ANKRD30A: variants seen among roughly 807,000 people sequenced by gnomAD.
ANKRD30A encodes the protein ankyrin repeat domain 30A, also known as ankyrin repeat domain-containing protein 30A.
Under a neutral mutation model 166.3 loss-of-function variants are expected in ANKRD30A, and 170 were observed. That is an observed-to-expected ratio of 1.02 (90% CI 0.90 to 1.16). ANKRD30A has a LOEUF of 1.16. ANKRD30A is among the 50% of genes most tolerant of loss of function. The pLI is 0.00. For missense variants in ANKRD30A, 1,630 were observed against 1,518.0 expected, an observed-to-expected ratio of 1.07 and a Z score of -1.23; for synonymous variants, 564 against 508.9, an observed-to-expected ratio of 1.11 and a Z score of -1.46.
chr10:37,128,384 T>G (rs1176102728), intron 1 of ANKRD30A, among the ~76,000 whole-genome samples: 2 of 152,014 alleles, frequency 1.3e-5, no homozygotes, highest in African/African-American at 4.8e-5. Context: ...TTTTTATTTT[T>G]TGTGGATTAG....
the ANKRD30A span, among the ~76,000 whole-genome samples, chr10:37,249,288 C>G: frequency 6.6e-6 from 1 of 152,132 alleles, no homozygotes; most frequent in East Asian, 1.9e-4. Context: ...GTGACTAATT[C>G]TATTAGTCCT....
At chr10:37,179,040 A>ATG (rs1399739619) in intron 24 of ANKRD30A, among the ~76,000 whole-genome samples, 1 of 123,634 alleles carries the variant, frequency 8.1e-6, no homozygotes, top group African/African-American at 2.8e-5. Flanking sequence ...ATATATATAT[A>ATG]TATATATATA....
At chr10:37,258,367 G>A in the ANKRD30A span, among the ~76,000 whole-genome samples, 2 of 152,088 alleles carry the variant, frequency 1.3e-5, no homozygotes, top group Non-Finnish European at 2.9e-5. Flanking sequence ...GCTCAAGAAT[G>A]TATACCATCA....
chr10:37,147,800 T>C (rs1006837658), intron 9 of ANKRD30A, among the ~76,000 whole-genome samples: 4 of 152,044 alleles, frequency 2.6e-5, no homozygotes, highest in Non-Finnish European at 5.9e-5. Flanking sequence ...GTTTATATAA[T>C]GGAGGTGGCA....
chr10:37,231,364 A>G, intron 34 of ANKRD30A, 97 bp from the exon 35 acceptor site: 3 of 980,506 alleles, frequency 3.1e-6, no homozygotes, highest in Non-Finnish European at 4.4e-6. Flanking sequence ...AATGTTATTT[A>G]TTCTTATAGA....
chr10:37,264,931 C>T, the ANKRD30A span, among the ~76,000 whole-genome samples: 1 of 152,182 alleles, frequency 6.6e-6, no homozygotes, highest in South Asian at 2.1e-4. Context: ...GTTAATTGCA[C>T]ATAGTACTGA....
chr10:37,126,079 C>A, intron 1 of ANKRD30A, 71 bp downstream of exon 1: 1 of 1,472,076 alleles, frequency 6.8e-7, no homozygotes, highest in Non-Finnish European at 9.4e-7. Context: ...CCTTCAGAGT[C>A]GGGGGCTGGG....
chr10:37,193,325 C>G, intron 27 of ANKRD30A, 67 bp downstream of exon 27: 1 of 1,499,698 alleles, frequency 6.7e-7, no homozygotes, highest in Non-Finnish European at 9.1e-7. Context: ...TGCTGTGAGA[C>G]TTTTCATTCC....
intron 27 of ANKRD30A, among the ~76,000 whole-genome samples, chr10:37,193,681 G>GC (rs1840791889): frequency 1.3e-5 from 2 of 148,774 alleles, no homozygotes; most frequent in Admixed American, 1.3e-4. Context: ...AAGAAAATCA[G>GC]TTTTTTTTTT....
In ANKRD30A at chr10:37,164,553, G is replaced by C. The variant is rs940222826; in HGVS notation, c.2003-541G>C. 2.6e-5 allele frequency among the ~76,000 whole-genome samples: 4 copies of C among 152,008 alleles called. No individual in the cohort carries two copies. The East Asian group carries it at 5.8e-4, about 22-fold the overall frequency. On this transcript the variant is annotated intron_variant, in intron 17 of 35. Transcript: ENST00000361713. The stretch of plus-strand genomic sequence containing the variant: ...TTATCTTCCTAAAGCATATACACAC[G>C]CAAAACACACCCAATACACTGTCAT...
chr10:37,238,223 G>A, the ANKRD30A span, among the ~76,000 whole-genome samples: 1 of 152,202 alleles, frequency 6.6e-6, no homozygotes, highest in African/African-American at 2.4e-5. Flanking sequence ...GCAGTTCTTT[G>A]TGGGGTAAAG....
chr10:37,228,577 C>A (rs527346093), intron 34 of ANKRD30A, among the ~76,000 whole-genome samples: 47 of 152,120 alleles, frequency 3.1e-4, no homozygotes, highest in African/African-American at 1.0e-3. Flanking sequence ...AATTTTCCAG[C>A]TGTTGCGCTT....
intron 32 of ANKRD30A, 116 bp downstream of exon 32, chr10:37,216,510 T>C: frequency 2.1e-6 from 2 of 956,272 alleles, no homozygotes; most frequent in Admixed American, 6.5e-5. Context: ...AAAATGTCTG[T>C]CTTGTAGAGT....
At chr10:37,198,308 A>G (rs1564555057) in intron 29 of ANKRD30A, among the ~76,000 whole-genome samples, 1 of 152,068 alleles carries the variant, frequency 6.6e-6, no homozygotes, top group Admixed American at 6.6e-5. Flanking sequence ...TTTGATCAGC[A>G]TTATAATTTT....
chr10:37,161,073 G>A lies in ANKRD30A; in HGVS notation c.1901-1576G>A, dbSNP rs151029031. ...TCGAGACCATCCTGACTAACAAGGCGAAACCCTGTCTCTACTAAAAATACA... is the reference window on the plus strand; with the variant it reads ...TCGAGACCATCCTGACTAACAAGGCAAAACCCTGTCTCTACTAAAAATACA... On this transcript the variant is annotated intron_variant, in intron 15 of 35. Coordinates refer to ENST00000361713, the MANE Select transcript of ANKRD30A (RefSeq NM_052997.3). Among the ~76,000 whole-genome samples, 8 of 152,292 alleles carry A rather than the reference G, an allele frequency of 5.3e-5. No homozygotes were observed. In the East Asian group the frequency reaches 9.7e-4, roughly 18 times the overall value.
At chr10:37,237,865 T>C in the ANKRD30A span, among the ~76,000 whole-genome samples, 2 of 152,204 alleles carry the variant, frequency 1.3e-5, no homozygotes, top group African/African-American at 4.8e-5. Context: ...CCAGGTACTG[T>C]ATGTGGTCTC....
intron 31 of ANKRD30A, among the ~76,000 whole-genome samples, chr10:37,213,426 C>T (rs1842441346): frequency 6.6e-6 from 1 of 151,732 alleles, no homozygotes; most frequent in Non-Finnish European, 1.5e-5. Context: ...ACTCCTACCT[C>T]CTAATAACAT....
rs779748317 is a variant in ANKRD30A, at chr10:37,130,198, C to A, written c.337-7C>A. 29 of 1,564,750 alleles carry A rather than the reference C, an allele frequency of 1.9e-5. No individual in the cohort carries two copies. In the Admixed American group the frequency reaches 3.8e-4, roughly 21 times the overall value. On this transcript the variant is annotated splice_region_variant and splice_polypyrimidine_tract_variant and intron_variant, in intron 2 of 35. Transcript: ENST00000361713. ...GTTTACAATAATTCTTGCTTTAATA[C>A]TGACAGGCTCTACAATGCCATCAGG...
intron 13 of ANKRD30A, among the ~76,000 whole-genome samples, chr10:37,154,232 T>C (rs557990168): frequency 8.5e-5 from 13 of 152,328 alleles, no homozygotes; most frequent in East Asian, 3.9e-4. Flanking sequence ...CATATCTGCA[T>C]GGCCACACAT....
Sources: gnomAD v4.1 joint callset for allele counts (sites outside exome capture counted in the v4.1 genomes callset) on GRCh38, gnomAD v4.1.1 for gene constraint, MANE v1.5 for transcripts, NCBI Gene and HGNC (gene_info 2026-07-23, HGNC 2026-07-21) for gene names.